Variants in EPHA5 observed in about 807,000 individuals in gnomAD.
EPHA5 encodes EPH receptor A5.
EPHA5 carries 60 observed loss-of-function variants against 105.0 expected under a neutral mutation model. That is an observed-to-expected ratio of 0.57 (90% CI 0.46 to 0.71). EPHA5 has a LOEUF of 0.71. EPHA5 is among the 30% of genes least tolerant of loss of function. The pLI, the probability that EPHA5 is intolerant of heterozygous loss-of-function variation, is 0.00. For missense variants in EPHA5, 1,218 were observed against 1,274.7 expected (o/e 0.96, Z 0.68); for synonymous variants, 513 against 449.1 (o/e 1.14, Z -1.80).
intron 3 of EPHA5, among the ~76,000 whole-genome samples, chr4:65,591,355 A>G (rs1476680201): frequency 6.6e-6 from 1 of 152,000 alleles, no homozygotes; most frequent in African/African-American, 2.4e-5. Context: ...TTTTCTTTAT[A>G]CAGATGACAT....
intron 1 of EPHA5, among the ~76,000 whole-genome samples, chr4:65,656,732 A>G (rs1056930052): frequency 3.3e-5 from 5 of 151,036 alleles, no homozygotes; most frequent in African/African-American, 1.2e-4. Flanking sequence ...TTACCACCTC[A>G]GTCACCTAGG....
intron 2 of EPHA5, among the ~76,000 whole-genome samples, chr4:65,603,376 T>G (rs1048172950): frequency 6.6e-6 from 1 of 152,084 alleles, no homozygotes; most frequent in Non-Finnish European, 1.5e-5. Context: ...GATATATAAT[T>G]TTAAATCTTT....
At chr4:65,459,699 A>T (rs960770821) in intron 5 of EPHA5, among the ~76,000 whole-genome samples, 1 of 151,834 alleles carries the variant, frequency 6.6e-6, no homozygotes, top group Non-Finnish European at 1.5e-5. Flanking sequence ...AAATTTTCCA[A>T]ACATGGAAAC....
At chr4:65,396,364 T>C (rs1721238062) in intron 8 of EPHA5, among the ~76,000 whole-genome samples, 2 of 152,202 alleles carry the variant, frequency 1.3e-5, no homozygotes, top group African/African-American at 4.8e-5. Flanking sequence ...CCTTCCAGAA[T>C]TTAACTCAAG....
chr4:65,641,016 A>G (rs972104338), intron 2 of EPHA5, among the ~76,000 whole-genome samples: 3 of 152,110 alleles, frequency 2.0e-5, no homozygotes, highest in Admixed American at 1.3e-4. Flanking sequence ...TTTTTGACAA[A>G]TTCCCAGCTG....
At chr4:65,483,207 A>T (rs1473334763) in intron 5 of EPHA5, among the ~76,000 whole-genome samples, 1 of 152,158 alleles carries the variant, frequency 6.6e-6, no homozygotes, top group East Asian at 1.9e-4. Context: ...TTTTTATGGC[A>T]GCATAGTATT....
At chr4:65,630,476 G>T (rs1181813356) in intron 2 of EPHA5, among the ~76,000 whole-genome samples, 1 of 152,176 alleles carries the variant, frequency 6.6e-6, no homozygotes, top group Non-Finnish European at 1.5e-5. Context: ...CCTCAGGGGA[G>T]AAGGGATTCA....
At chr4:65,532,223 A>AT (rs1393922131) in intron 3 of EPHA5, among the ~76,000 whole-genome samples, 8 of 152,046 alleles carry the variant, frequency 5.3e-5, no homozygotes, top group African/African-American at 1.9e-4. Flanking sequence ...GCTTTCCCTT[A>AT]TTTTCAAGTG....
At chr4:65,573,447 C>G in intron 3 of EPHA5, 1 of 1,165,104 alleles carries the variant, frequency 8.6e-7, no homozygotes, top group Non-Finnish European at 1.2e-6. Context: ...AAGCTCTTTC[C>G]CATCTTGCAA....
intron 1 of EPHA5, among the ~76,000 whole-genome samples, chr4:65,662,449 G>C (rs559906740): frequency 1.3e-5 from 2 of 152,194 alleles, no homozygotes; most frequent in East Asian, 3.9e-4. Context: ...CAATAGTCCA[G>C]CAACTAAAAC....
intron 14 of EPHA5, among the ~76,000 whole-genome samples, chr4:65,337,507 T>A (rs1374589452): frequency 2.6e-5 from 4 of 152,142 alleles, no homozygotes; most frequent in Non-Finnish European, 5.9e-5. Context: ...AAATGGCACC[T>A]GACCCAGTGC....
intron 16 of EPHA5, chr4:65,330,740 T>C: frequency 3.0e-6 from 3 of 1,002,116 alleles, no homozygotes; most frequent in Non-Finnish European, 2.4e-6. Context: ...AATTTTTCAG[T>C]ATACCAGTTT....
Position 65,587,385 on chromosome 4 carries a change from G to A in EPHA5, c.910+14256C>T, listed in dbSNP as rs944790891. On this transcript the variant is annotated intron_variant, in intron 3 of 16. Transcript: ENST00000613740. ...AACAAAACAAAACTTGAATACAAAT[G>A]ACACTTTAATACTCCAAAGGCCAAA... Among the ~76,000 whole-genome samples, 3 of 151,920 alleles carry A rather than the reference G, an allele frequency of 2.0e-5. No homozygotes were observed. The East Asian group carries it at 5.8e-4, about 29-fold the overall frequency.
rs575165352 is a variant in EPHA5, at chr4:65,322,811, T to A, written c.*1303A>T. 1.6e-4 allele frequency: 36 copies of A among 228,556 alleles called. No homozygotes were observed. The highest frequency in any genetic ancestry group is 8.0e-4 in the African/African-American group (36 of 45,114). 14.2% of individuals were successfully genotyped at this position (228,556 alleles called of 1,614,324 possible). ...ATTGAAATAAAATTCTGAAGGGAAA[T>A]AAGCATATATATATATTTGTGTGTG... On this transcript the variant is annotated 3_prime_UTR_variant, in exon 17 of 17. Transcript: ENST00000613740.
At chr4:65,394,010 AAAAT>A (rs1011457607) in intron 8 of EPHA5, among the ~76,000 whole-genome samples, 3 of 152,182 alleles carry the variant, frequency 2.0e-5, no homozygotes, top group Non-Finnish European at 4.4e-5. Context: ...CTTTAGTGAG[AAAAT>A]AAAGTTTTAA....
chr4:65,498,752 A>G (rs1732190278), intron 3 of EPHA5, among the ~76,000 whole-genome samples: 1 of 151,772 alleles, frequency 6.6e-6, no homozygotes, highest in Non-Finnish European at 1.5e-5. Context: ...GGAGAAGATA[A>G]TGAGTAATAT....
chr4:65,544,282 A>C (rs578081860), intron 3 of EPHA5, among the ~76,000 whole-genome samples: 1 of 152,162 alleles, frequency 6.6e-6, no homozygotes, highest in Non-Finnish European at 1.5e-5. Context: ...CATCAGTGTG[A>C]ACAGGCAACC....
chr4:65,650,007 A>G (rs1470845058), intron 1 of EPHA5, among the ~76,000 whole-genome samples: 1 of 152,134 alleles, frequency 6.6e-6, no homozygotes, highest in Admixed American at 6.5e-5. Flanking sequence ...CTTGATTAAC[A>G]AATGATATTA....
intron 5 of EPHA5, among the ~76,000 whole-genome samples, chr4:65,473,143 C>T (rs935396410): frequency 1.3e-5 from 2 of 152,138 alleles, no homozygotes; most frequent in Non-Finnish European, 2.9e-5. Flanking sequence ...CTGTGACCAC[C>T]TCATACTGGA....
Sources: gnomAD v4.1 joint callset for allele counts (sites outside exome capture counted in the v4.1 genomes callset) on GRCh38, gnomAD v4.1.1 for gene constraint, MANE v1.5 for transcripts, NCBI Gene and HGNC (gene_info 2026-07-23, HGNC 2026-07-21) for gene names.